BBS9: variants seen among roughly 807,000 people sequenced by gnomAD.
The protein encoded by BBS9 is protein PTHB1.
BBS9 carries 89 observed loss-of-function variants against 117.7 expected under a neutral mutation model. The ratio of observed to expected loss-of-function variants is 0.76; its 90% CI spans 0.64 to 0.90. The LOEUF (loss-of-function observed/expected upper bound fraction) is 0.90. Among genes scored for constraint, BBS9 ranks in the 40% least tolerant of loss-of-function variants. The pLI, the probability that BBS9 is intolerant of heterozygous loss-of-function variation, is 0.00. For synonymous variants in BBS9, 379 were observed against 370.9 expected (o/e 1.02, Z -0.25); for missense variants, 982 against 1,042.2 (o/e 0.94, Z 0.80).
At chr7:33,237,488 G>T (rs1793728995) in intron 5 of BBS9, among the ~76,000 whole-genome samples, 1 of 152,152 alleles carries the variant, frequency 6.6e-6, no homozygotes, top group African/African-American at 2.4e-5. Context: ...GTATCCTCTT[G>T]ATCTGTCTGT....
chr7:33,514,813 T>C (rs1847494340), intron 20 of BBS9, among the ~76,000 whole-genome samples: 1 of 152,188 alleles, frequency 6.6e-6, no homozygotes, highest in Non-Finnish European at 1.5e-5. Context: ...TCTTAATTAC[T>C]GATATCCTTT....
intron 9 of BBS9, among the ~76,000 whole-genome samples, chr7:33,279,291 G>A (rs1801371583): frequency 6.6e-6 from 1 of 152,280 alleles, no homozygotes; most frequent in South Asian, 2.1e-4. Flanking sequence ...GCCCAGGCTG[G>A]TCTTGAACTT....
chr7:33,452,529 G>A (rs1047728102), intron 19 of BBS9, among the ~76,000 whole-genome samples: 1 of 152,160 alleles, frequency 6.6e-6, no homozygotes, highest in African/African-American at 2.4e-5. Flanking sequence ...TTTCTCTAGT[G>A]GAGAAGATCA....
intron 19 of BBS9, among the ~76,000 whole-genome samples, chr7:33,447,800 G>A (rs1456170344): frequency 6.6e-6 from 1 of 152,154 alleles, no homozygotes; most frequent in South Asian, 2.1e-4. Context: ...TTTTTGGAAA[G>A]TTCCAAACAA....
chr7:33,171,548 C>G (rs535645184), intron 4 of BBS9, among the ~76,000 whole-genome samples: 1 of 152,056 alleles, frequency 6.6e-6, no homozygotes, highest in African/African-American at 2.4e-5. Flanking sequence ...AAAATAATTT[C>G]GAACTAATTT....
At chr7:33,137,799 A>G (rs1309868418) in intron 1 of BBS9, among the ~76,000 whole-genome samples, 2 of 152,242 alleles carry the variant, frequency 1.3e-5, no homozygotes, top group African/African-American at 4.8e-5. Flanking sequence ...ATCGTCTACA[A>G]TGGTGCATGA....
At chr7:33,132,967 C>A (rs770316156) in intron 1 of BBS9, among the ~76,000 whole-genome samples, 1 of 151,976 alleles carries the variant, frequency 6.6e-6, no homozygotes, top group Non-Finnish European at 1.5e-5. Flanking sequence ...TTCTGCCATG[C>A]TTGGCAAAGA....
chr7:33,248,659 ATGT>A (rs1795747881), intron 5 of BBS9, among the ~76,000 whole-genome samples: 1 of 152,204 alleles, frequency 6.6e-6, no homozygotes, highest in Non-Finnish European at 1.5e-5. Context: ...CATAGCAAAC[ATGT>A]TGTATCATTT....
chr7:33,543,778 C>A (rs1390434337), intron 21 of BBS9, among the ~76,000 whole-genome samples: 1 of 152,098 alleles, frequency 6.6e-6, no homozygotes, highest in Non-Finnish European at 1.5e-5. Context: ...CTTGATTATT[C>A]CCCCAAATAT....
chr7:33,429,682 T>C (rs2128875055), intron 19 of BBS9, among the ~76,000 whole-genome samples: 1 of 152,252 alleles, frequency 6.6e-6, no homozygotes, highest in South Asian at 2.1e-4. Flanking sequence ...TATTTATTTT[T>C]TTCTGTAGAG....
chr7:33,514,620 C>A (rs758666745), intron 20 of BBS9, among the ~76,000 whole-genome samples: 1 of 152,084 alleles, frequency 6.6e-6, no homozygotes, highest in African/African-American at 2.4e-5. Flanking sequence ...TAAAACACAT[C>A]GAGTGAGAAA....
chr7:33,374,640 G>C (rs1028822412), intron 17 of BBS9, among the ~76,000 whole-genome samples: 2 of 152,062 alleles, frequency 1.3e-5, no homozygotes, highest in Non-Finnish European at 2.9e-5. Flanking sequence ...GGTGGCTCAC[G>C]CCTGTAATCC....
chr7:33,329,168 A>G (rs537208831), intron 9 of BBS9, among the ~76,000 whole-genome samples: 2 of 152,060 alleles, frequency 1.3e-5, no homozygotes, highest in South Asian at 4.1e-4. Context: ...TTACAGGTGC[A>G]CATCACCACT....
chr7:33,384,967 A>G (rs1447270418), intron 18 of BBS9, among the ~76,000 whole-genome samples: 1 of 152,106 alleles, frequency 6.6e-6, no homozygotes, highest in African/African-American at 2.4e-5. Flanking sequence ...ACCAAAATTG[A>G]CACAGTCTGT....
At chr7:33,212,130 G>A (rs1421463009) in intron 5 of BBS9, among the ~76,000 whole-genome samples, 5 of 152,144 alleles carry the variant, frequency 3.3e-5, no homozygotes, top group Non-Finnish European at 5.9e-5. Flanking sequence ...GGTTTGGGAA[G>A]TTCTCTGTTA....
intron 5 of BBS9, among the ~76,000 whole-genome samples, chr7:33,184,975 C>G (rs907484137): frequency 1.3e-5 from 2 of 152,154 alleles, no homozygotes; most frequent in African/African-American, 4.8e-5. Flanking sequence ...GCAATTTCCC[C>G]AGAACTGAGG....
At position 33,531,860 on chromosome 7, in the gene BBS9, G is replaced by A. The variant is rs185808698; in HGVS notation, c.2299-2094G>A. On this transcript the variant is annotated intron_variant, in intron 20 of 22. Coordinates refer to ENST00000242067, the MANE Select transcript of BBS9 (RefSeq NM_198428.3). ...AGCTATGCCTAGGCAGATGGTTGCC[G>A]TTGTATAAATGATCCTGGGAAAACC... is the stretch of plus-strand genomic sequence containing the variant. Among the ~76,000 whole-genome samples the A allele has an allele frequency of 1.1e-3, 164 of 152,078 alleles. 3 individuals are homozygous for A. Among genetic ancestry groups the A allele is most frequent in the Admixed American group, 3.2e-3 (49 of 15,294 alleles).
chr7:33,190,212 C>T (rs1313575524), intron 5 of BBS9, among the ~76,000 whole-genome samples: 2 of 151,340 alleles, frequency 1.3e-5, no homozygotes, highest in African/African-American at 2.4e-5. Context: ...CTCCGCCTCC[C>T]GGGTTCACGC....
At chr7:33,508,334 A>G (rs1008559832) in intron 20 of BBS9, among the ~76,000 whole-genome samples, 2 of 152,226 alleles carry the variant, frequency 1.3e-5, no homozygotes, top group East Asian at 1.9e-4. Flanking sequence ...AAAAGATACA[A>G]TGGGCTTCTT....
Sources: allele counts gnomAD v4.1 joint callset (sites outside exome capture counted in the v4.1 genomes callset), GRCh38; gene constraint gnomAD v4.1.1; transcripts MANE v1.5; gene names NCBI Gene and HGNC (gene_info 2026-07-23, HGNC 2026-07-21).